ARIH1: variants seen among roughly 807,000 people sequenced by gnomAD.
ARIH1 encodes E3 ubiquitin-protein ligase ARIH1.
In ARIH1, 8 loss-of-function variants were observed where a neutral mutation model predicts 85.0. The observed-to-expected ratio is 0.09, with a 90% CI of 0.06 to 0.17. ARIH1 has a LOEUF of 0.17. Ranked by LOEUF, ARIH1 falls within the 10% of genes least tolerant of loss-of-function variation. The pLI, the probability that ARIH1 is intolerant of heterozygous loss-of-function variation, is 1.00. For missense variants in ARIH1, 311 were observed against 718.1 expected, an observed-to-expected ratio of 0.43 and a Z score of 6.48; for synonymous variants, 238 against 253.6, an observed-to-expected ratio of 0.94 and a Z score of 0.59.
Position 72,499,709 on chromosome 15 carries a change from G to A in ARIH1, c.376-18358G>A, listed in dbSNP as rs188439867. 1.9e-3 allele frequency among the ~76,000 whole-genome samples: 295 copies of A among 152,236 alleles called. 1 individual carries two copies. The highest frequency in any genetic ancestry group is 1.3e-3 in the Non-Finnish European group (86 of 68,014). On this transcript the variant is annotated intron_variant, in intron 1 of 13. Coordinates refer to ENST00000379887, the MANE Select transcript of ARIH1 (RefSeq NM_005744.5). ...CAGTACTCTGGTAGCAAGATGGTTT[G>A]GGTTTATTTATACTCCTTGGAGCCC...
chr15:72,491,539 G>A (rs1567338227), intron 1 of ARIH1, among the ~76,000 whole-genome samples: 1 of 152,076 alleles, frequency 6.6e-6, no homozygotes, highest in Admixed American at 6.6e-5. Context: ...TAGACATTGA[G>A]TGAAAAGTCA....
chr15:72,566,568 ACT>A lies in ARIH1; in HGVS notation c.918_919del (p.Asn306LysfsTer7). ...CTCTTTGTGTCACTTAACAGCTTTA[ACT>A]GTGGAGAAAATTGGCATGATCCTGT... On this transcript the variant is annotated frameshift_variant, in exon 8 of 14. Coordinates refer to ENST00000379887, the MANE Select transcript of ARIH1 (RefSeq NM_005744.5). LOFTEE classifies it high-confidence loss of function. 6.2e-7 allele frequency: 1 copy of A among 1,612,614 alleles called. No homozygotes were observed. The highest frequency in any genetic ancestry group is 8.5e-7 in the Non-Finnish European group (1 of 1,179,190).
intron 11 of ARIH1, among the ~76,000 whole-genome samples, chr15:72,575,499 C>T (rs2064266683): frequency 7.4e-6 from 1 of 135,702 alleles, no homozygotes; most frequent in Admixed American, 8.8e-5. Context: ...TTCAGTGAGC[C>T]ATGGTTGTGC....
At position 72,555,286 on chromosome 15, in the gene ARIH1, G is replaced by C. The variant is rs1345038178; in HGVS notation, c.604G>C (p.Glu202Gln). The C allele has an allele frequency of 6.2e-7, 1 of 1,613,136 alleles. No homozygotes were observed. Among genetic ancestry groups the C allele is most frequent in the Non-Finnish European group, 8.5e-7 (1 of 1,179,276 alleles). ...NYPNSYFTGL[E>Q]CGHKFCMQCW... ...TTTCTTACAGTATTTCACTGGCCTT[G>C]AATGTGGACATAAGTTTTGTATGCA... The change falls in exon 4 of 14, where the codon GAA becomes CAA. Residue 202 changes from glutamate to glutamine, a missense_variant. Around this residue, in one of 3 missense-constraint regions of ARIH1, gnomAD observed 104 missense variants for 221.4 expected, o/e 0.47. Transcript: ENST00000379887.
intron 2 of ARIH1, among the ~76,000 whole-genome samples, chr15:72,528,666 C>A (rs956253112): frequency 6.6e-6 from 1 of 151,990 alleles, no homozygotes. Flanking sequence ...CTAGCCTGGA[C>A]AACATAGGGA....
At chr15:72,485,021 T>A (rs1311561078) in intron 1 of ARIH1, among the ~76,000 whole-genome samples, 1 of 152,188 alleles carries the variant, frequency 6.6e-6, no homozygotes, top group African/African-American at 2.4e-5. Flanking sequence ...TCTATAGTGG[T>A]TGTACTAGTT....
Position 72,584,596 on chromosome 15 carries a change from G to T in ARIH1, c.*1304G>T, listed in dbSNP as rs1317335612. ...AATGGTGGATACCGAAATTGCTTGT[G>T]TGTGTTGCTGTGGGTTTGGTTTGAA... On this transcript the variant is annotated 3_prime_UTR_variant, in exon 14 of 14. Coordinates refer to ENST00000379887, the MANE Select transcript of ARIH1 (RefSeq NM_005744.5). 1 of 152,082 alleles carries T rather than the reference G, an allele frequency of 6.6e-6. No homozygotes were observed. Among genetic ancestry groups the T allele is most frequent in the Non-Finnish European group, 1.5e-5 (1 of 68,020 alleles). 9.4% of individuals were successfully genotyped at this position (152,082 alleles called of 1,614,324 possible).
rs1339561548 is a variant in ARIH1, at chr15:72,591,906, G to A, written c.*8614G>A. 6.6e-6 allele frequency: 1 copy of A among 152,140 alleles called. No individual in the cohort carries two copies. The highest frequency in any genetic ancestry group is 1.5e-5 in the Non-Finnish European group (1 of 68,034). The allele number at this position is 152,140 out of a possible 1,614,324, so 9.4% of individuals were successfully genotyped here. ...AAAGCACTAAAGAGTTTTCCAATAAGGAAGAATGATCTGAGTGTCTACCTG... is the reference window on the plus strand; with the variant it reads ...AAAGCACTAAAGAGTTTTCCAATAAAGAAGAATGATCTGAGTGTCTACCTG... On this transcript the variant is annotated 3_prime_UTR_variant, in exon 14 of 14. Coordinates refer to ENST00000379887, the MANE Select transcript of ARIH1 (RefSeq NM_005744.5).
chr15:72,478,138 CAG>C (rs1177533342), intron 1 of ARIH1, among the ~76,000 whole-genome samples: 4 of 150,680 alleles, frequency 2.7e-5, no homozygotes, highest in African/African-American at 7.3e-5. Context: ...TATTTTGAGA[CAG>C]AGTTTCATTC....
At chr15:72,528,126 TATA>T (rs1284125897) in intron 2 of ARIH1, among the ~76,000 whole-genome samples, 1 of 152,318 alleles carries the variant, frequency 6.6e-6, no homozygotes, top group South Asian at 2.1e-4. Context: ...GTTATTAAAT[TATA>T]ATAACATTTA....
chr15:72,480,427 A>G (rs770964611), intron 1 of ARIH1, among the ~76,000 whole-genome samples: 3 of 150,944 alleles, frequency 2.0e-5, no homozygotes, highest in African/African-American at 7.3e-5. Context: ...ACACCCAGCT[A>G]TTTTTTGTAT....
intron 1 of ARIH1, among the ~76,000 whole-genome samples, chr15:72,503,988 C>T (rs1184556510): frequency 1.3e-5 from 2 of 152,212 alleles, no homozygotes; most frequent in African/African-American, 4.8e-5. Flanking sequence ...CAGTAGGCTC[C>T]TTGCCTTGTT....
chr15:72,590,587 T>TA lies in ARIH1; in HGVS notation c.*7296dup, dbSNP rs397798322. 1 of 151,810 alleles carries TA rather than the reference T, an allele frequency of 6.6e-6. No homozygotes were observed. Among genetic ancestry groups the TA allele is most frequent in the Non-Finnish European group, 1.5e-5 (1 of 67,914 alleles). The allele number at this position is 151,810 out of a possible 1,614,324, so 9.4% of individuals were successfully genotyped here. ...GCTTTTTAAAAGATTACTATTTTTT[T>TA]AGAGGTGGGGTCTCACTATGTTGCC... is the stretch of plus-strand genomic sequence containing the variant. On this transcript the variant is annotated 3_prime_UTR_variant, in exon 14 of 14. Transcript: ENST00000379887.
chr15:72,539,919 T>C (rs1024341154), intron 2 of ARIH1, among the ~76,000 whole-genome samples: 1 of 152,134 alleles, frequency 6.6e-6, no homozygotes, highest in East Asian at 1.9e-4. Context: ...TGATCAAGTT[T>C]ATGAGACAAA....
intron 3 of ARIH1, among the ~76,000 whole-genome samples, chr15:72,554,182 T>C (rs1488549341): frequency 1.3e-5 from 2 of 152,238 alleles, no homozygotes; most frequent in Non-Finnish European, 2.9e-5. Context: ...TGAACACTTG[T>C]GTACAAGTTT....
chr15:72,583,017 C>A (rs1200988941), intron 13 of ARIH1, among the ~76,000 whole-genome samples, 191 bp from the exon 14 acceptor site: 4 of 152,084 alleles, frequency 2.6e-5, no homozygotes, highest in African/African-American at 9.7e-5. Context: ...TCAGAAAATA[C>A]CATTTTAATA....
chr15:72,554,780 G>T (rs755981114), intron 3 of ARIH1, among the ~76,000 whole-genome samples: 8 of 152,046 alleles, frequency 5.3e-5, no homozygotes, highest in Non-Finnish European at 1.0e-4. Context: ...TTGAGACAGG[G>T]TCTCACTCCT....
At chr15:72,535,069 A>C (rs2064075744) in intron 2 of ARIH1, among the ~76,000 whole-genome samples, 1 of 146,250 alleles carries the variant, frequency 6.8e-6, no homozygotes. Context: ...CTCCTGCCTC[A>C]GCCTCCCGAG....
At chr15:72,553,273 T>A (rs1253317532) in intron 3 of ARIH1, among the ~76,000 whole-genome samples, 2 of 152,338 alleles carry the variant, frequency 1.3e-5, no homozygotes, top group Non-Finnish European at 2.9e-5. Flanking sequence ...ATTTAAAGTA[T>A]TTACTTAATG....
Sources: gnomAD v4.1 joint callset for allele counts (sites outside exome capture counted in the v4.1 genomes callset) on GRCh38, gnomAD v4.1.1 for gene constraint, gnomAD v4.1.1 regional missense constraint, MANE v1.5 for transcripts, NCBI Gene and HGNC (gene_info 2026-07-23, HGNC 2026-07-21) for gene names.